The following R3HDM1 variants were observed in gnomAD, a reference collection of about 807,000 sequenced individuals.
R3HDM1 encodes the protein R3H domain-containing protein 1.
Under a neutral mutation model 141.1 loss-of-function variants are expected in R3HDM1, and 46 were observed. The ratio of observed to expected loss-of-function variants is 0.33; its 90% CI spans 0.26 to 0.42. The LOEUF is 0.42. Among genes scored for constraint, R3HDM1 ranks in the 10% least tolerant of loss-of-function variants. R3HDM1 has a pLI of 1.00. For missense variants in R3HDM1, 1,184 were observed against 1,368.3 expected, an observed-to-expected ratio of 0.87 and a Z score of 2.12; for synonymous variants, 435 against 472.9, an observed-to-expected ratio of 0.92 and a Z score of 1.04.
chr2:135,628,535 T>A (rs2062285166), intron 7 of R3HDM1, among the ~76,000 whole-genome samples: 2 of 152,246 alleles, frequency 1.3e-5, no homozygotes, highest in Non-Finnish European at 2.9e-5. Context: ...TGAAATATTC[T>A]TATACCTGCT....
chr2:135,535,977 T>A (rs1342878861), intron 1 of R3HDM1, among the ~76,000 whole-genome samples: 4 of 152,180 alleles, frequency 2.6e-5, no homozygotes, highest in African/African-American at 2.4e-5. Context: ...CATACACACC[T>A]ATTAACTTTA....
chr2:135,597,524 G>A (rs930756972), intron 1 of R3HDM1, among the ~76,000 whole-genome samples: 3 of 152,150 alleles, frequency 2.0e-5, no homozygotes, highest in African/African-American at 7.2e-5. Context: ...GAACAATTTG[G>A]TTGTGCCAAT....
At chr2:135,550,040 A>C (rs182593839) in intron 1 of R3HDM1, 1 of 982,958 alleles carries the variant, frequency 1.0e-6, no homozygotes, top group East Asian at 1.1e-4. Context: ...TTATATTCAT[A>C]AGACCCAAGT....
At chr2:135,624,466 A>G (rs1414269654) in intron 7 of R3HDM1, among the ~76,000 whole-genome samples, 1 of 151,998 alleles carries the variant, frequency 6.6e-6, no homozygotes, top group African/African-American at 2.4e-5. Context: ...ATATCCAACT[A>G]TCGTCAGCAA....
intron 1 of R3HDM1, among the ~76,000 whole-genome samples, chr2:135,563,891 G>A (rs1702247766): frequency 1.3e-5 from 2 of 152,220 alleles, no homozygotes; most frequent in Non-Finnish European, 1.5e-5. Context: ...GCCAGCATCT[G>A]CTCCTGGCGA....
At chr2:135,537,310 A>G (rs1696398251) in intron 1 of R3HDM1, among the ~76,000 whole-genome samples, 1 of 107,092 alleles carries the variant, frequency 9.3e-6, no homozygotes. Flanking sequence ...TTTTGAGATG[A>G]AGTCTTGCTC....
At chr2:135,705,755 ATAAC>A (rs2074813976) in intron 21 of R3HDM1, among the ~76,000 whole-genome samples, 1 of 152,212 alleles carries the variant, frequency 6.6e-6, no homozygotes. Context: ...GTAAGAATGA[ATAAC>A]TAATTAACTG....
chr2:135,658,064 G>A (rs1452101790), intron 18 of R3HDM1, among the ~76,000 whole-genome samples: 1 of 152,206 alleles, frequency 6.6e-6, no homozygotes, highest in Non-Finnish European at 1.5e-5. Flanking sequence ...ACTAAATACT[G>A]TAGGCAATTA....
At chr2:135,605,820 G>T (rs1475073053) in intron 3 of R3HDM1, 1 of 152,344 alleles carries the variant, frequency 6.6e-6, no homozygotes, top group Non-Finnish European at 1.5e-5. Context: ...GAGTAGCTAG[G>T]ACTACAGGCA....
chr2:135,599,697 C>T (rs2059465190), intron 1 of R3HDM1, among the ~76,000 whole-genome samples: 1 of 152,094 alleles, frequency 6.6e-6, no homozygotes, highest in Non-Finnish European at 1.5e-5. Context: ...TGAAACATCC[C>T]TTTTACTTGA....
At chr2:135,719,977 C>T (rs1375725301) in intron 24 of R3HDM1, among the ~76,000 whole-genome samples, 1 of 152,114 alleles carries the variant, frequency 6.6e-6, no homozygotes, top group Non-Finnish European at 1.5e-5. Flanking sequence ...TCCCAAGTAG[C>T]TGGGATTACA....
chr2:135,547,836 C>T (rs1456565472), intron 1 of R3HDM1, among the ~76,000 whole-genome samples: 1 of 146,300 alleles, frequency 6.8e-6, no homozygotes, highest in African/African-American at 2.6e-5. Flanking sequence ...TGCAGTGGCA[C>T]GATCTCGGCT....
chr2:135,635,761 G>A, intron 9 of R3HDM1, 129 bp from the exon 10 acceptor site: 1 of 1,120,908 alleles, frequency 8.9e-7, no homozygotes, highest in Non-Finnish European at 1.2e-6. Flanking sequence ...GACTGCATAA[G>A]CATCTATGGA....
At chr2:135,569,817 C>T (rs1406713617) in intron 1 of R3HDM1, among the ~76,000 whole-genome samples, 1 of 151,502 alleles carries the variant, frequency 6.6e-6, no homozygotes, top group Non-Finnish European at 1.5e-5. Context: ...AGCTCCGCCT[C>T]CTGGGTTCAC....
At chr2:135,575,413 C>T (rs1705174450) in intron 1 of R3HDM1, among the ~76,000 whole-genome samples, 1 of 152,160 alleles carries the variant, frequency 6.6e-6, no homozygotes, top group Non-Finnish European at 1.5e-5. Flanking sequence ...AACTCCTGAC[C>T]TCAGGTGATC....
chr2:135,717,394 G>A (rs2076270060), intron 24 of R3HDM1, among the ~76,000 whole-genome samples: 1 of 151,884 alleles, frequency 6.6e-6, no homozygotes, highest in Non-Finnish European at 1.5e-5. Flanking sequence ...TAAGGCAGGA[G>A]AATTGCTTGA....
intron 2 of R3HDM1, among the ~76,000 whole-genome samples, chr2:135,603,140 C>T (rs1559215540): frequency 6.6e-6 from 1 of 152,090 alleles, no homozygotes; most frequent in Non-Finnish European, 1.5e-5. Flanking sequence ...CAGGCACGTG[C>T]TACCATGCCC....
At chr2:135,563,359 C>T (rs1702134478) in intron 1 of R3HDM1, among the ~76,000 whole-genome samples, 1 of 152,202 alleles carries the variant, frequency 6.6e-6, no homozygotes, top group South Asian at 2.1e-4. Context: ...AGAATGAGAA[C>T]TGTGTACATA....
Position 135,649,510 on chromosome 2 carries a change from C to A in R3HDM1, c.1624-392C>A, listed in dbSNP as rs576066096. 1.8e-3 allele frequency among the ~76,000 whole-genome samples: 277 copies of A among 152,206 alleles called. 3 individuals carry two copies. The highest frequency in any genetic ancestry group is 6.4e-3 in the African/African-American group (267 of 41,536). On this transcript the variant is annotated intron_variant, in intron 16 of 26. Coordinates refer to ENST00000683871, the MANE Select transcript of R3HDM1 (RefSeq NM_001378107.1). ...TTTTCATTTATAATTTAGTGTTATA[C>A]TGCAAAATAGGGCAACCCTTTCATA...
Sources: gnomAD v4.1 joint callset for allele counts (sites outside exome capture counted in the v4.1 genomes callset) on GRCh38, gnomAD v4.1.1 for gene constraint, MANE v1.5 for transcripts, NCBI Gene and HGNC (gene_info 2026-07-23, HGNC 2026-07-21) for gene names.